The following CADM2 variants were observed in gnomAD, a reference collection of about 807,000 sequenced individuals.
The protein encoded by CADM2 is immunoglobulin superfamily member 4D.
A neutral mutation model predicts 49.8 loss-of-function variants in CADM2; 12 were observed. The ratio of observed to expected loss-of-function variants is 0.24; its 90% confidence interval spans 0.15 to 0.39. The LOEUF is 0.39. Among genes scored for constraint, CADM2 ranks in the 10% least tolerant of loss-of-function variants. The pLI is 1.00. For synonymous variants in CADM2, 214 were observed against 175.4 expected (o/e 1.22, Z -1.74); for missense variants, 378 against 492.3 (o/e 0.77, Z 2.20).
At chr3:85,565,770 TACA>T (rs2062236896) in intron 1 of CADM2, among the ~76,000 whole-genome samples, 1 of 152,082 alleles carries the variant, frequency 6.6e-6, no homozygotes, top group Non-Finnish European at 1.5e-5. Flanking sequence ...GATTATGTAC[TACA>T]AAGTTTTCAG....
intron 1 of CADM2, among the ~76,000 whole-genome samples, chr3:85,073,212 G>A (rs2036822104): frequency 1.3e-5 from 2 of 152,120 alleles, no homozygotes; most frequent in Admixed American, 1.3e-4. Flanking sequence ...TGTTTCTGGA[G>A]ATAGTGCATA....
intron 2 of CADM2, among the ~76,000 whole-genome samples, chr3:85,760,535 T>C (rs950319621): frequency 1.3e-5 from 2 of 152,172 alleles, no homozygotes; most frequent in Non-Finnish European, 2.9e-5. Context: ...AACATAGTTC[T>C]AGTATGGAAC....
intron 8 of CADM2, among the ~76,000 whole-genome samples, chr3:85,987,162 T>C (rs948106385): frequency 6.6e-6 from 1 of 152,056 alleles, no homozygotes; most frequent in African/African-American, 2.4e-5. Flanking sequence ...TTGGAAAATA[T>C]CTGAGAAAAC....
At chr3:85,779,109 T>G (rs1409610690) in intron 2 of CADM2, among the ~76,000 whole-genome samples, 1 of 152,054 alleles carries the variant, frequency 6.6e-6, no homozygotes, top group Non-Finnish European at 1.5e-5. Flanking sequence ...GTATAATACT[T>G]AAGGATAATT....
At chr3:86,066,262 G>A (rs1294601641) in intron 9 of CADM2, among the ~76,000 whole-genome samples, 1 of 145,990 alleles carries the variant, frequency 6.8e-6, no homozygotes, top group Non-Finnish European at 1.5e-5. Flanking sequence ...GAACCCGGGA[G>A]GCGGAGCTTG....
intron 1 of CADM2, among the ~76,000 whole-genome samples, chr3:85,201,287 A>T (rs2041494002): frequency 6.6e-6 from 1 of 152,232 alleles, no homozygotes; most frequent in Admixed American, 6.5e-5. Context: ...CCCACTGCAT[A>T]TAAAAGTTAT....
At chr3:85,146,455 G>A (rs2039744163) in intron 1 of CADM2, among the ~76,000 whole-genome samples, 1 of 151,710 alleles carries the variant, frequency 6.6e-6, no homozygotes, top group Non-Finnish European at 1.5e-5. Context: ...ATTCTTTAAT[G>A]GTATCTTAGA....
intron 3 of CADM2, among the ~76,000 whole-genome samples, chr3:85,864,228 G>A (rs1382551744): frequency 1.3e-5 from 2 of 151,972 alleles, no homozygotes; most frequent in Non-Finnish European, 2.9e-5. Context: ...CCTTCATTTT[G>A]TTAGTATGTC....
intron 2 of CADM2, among the ~76,000 whole-genome samples, chr3:85,771,553 A>G (rs1011707307): frequency 6.6e-6 from 1 of 152,096 alleles, no homozygotes; most frequent in Non-Finnish European, 1.5e-5. Context: ...CTAGACTTAC[A>G]TATTACATGC....
chr3:85,373,975 C>G (rs975039944), intron 1 of CADM2, among the ~76,000 whole-genome samples: 2 of 152,186 alleles, frequency 1.3e-5, no homozygotes, highest in Admixed American at 1.3e-4. Flanking sequence ...AGACCTCTGT[C>G]ATGCCCTGTA....
In CADM2 at chr3:85,721,054, T is replaced by G. The variant is rs558392150; in HGVS notation, c.62-5468T>G. On this transcript the variant is annotated intron_variant, in intron 1 of 9. Coordinates refer to ENST00000383699, the MANE Select transcript of CADM2 (RefSeq NM_001167675.2). Reference sequence around the variant, plus strand: ...CAGAAGTGTGTTTTTTCTCTGTAAATTCACCACTGAAGTGCTTTGTATTCT... The same window carrying G: ...CAGAAGTGTGTTTTTTCTCTGTAAAGTCACCACTGAAGTGCTTTGTATTCT... 3.7e-4 allele frequency among the ~76,000 whole-genome samples: 57 copies of G among 152,320 alleles called. 1 individual carries two copies. The South Asian group carries it at 0.012, about 31-fold the overall frequency.
Position 86,065,638 on chromosome 3 carries a change from A to G in CADM2, c.1004A>G (p.Asp335Gly). ...PNALAGQNGP[D>G]HALIGGIVAV... The stretch of plus-strand genomic sequence containing the variant: ...GCTTTGGCTGGCCAGAATGGCCCTG[A>G]CCATGCTCTCATAGGAGGAATAGTG... Residue 335 changes from aspartate (D) to glycine (G), a missense_variant, in exon 9 of 10, where the codon GAC (aspartate) becomes GGC (glycine). Asp to Gly is a moderately conservative substitution (Grantham distance 94, BLOSUM62 -1). Transcript: ENST00000383699. 1 of 1,613,944 alleles carries G rather than the reference A, an allele frequency of 6.2e-7. No individual in the cohort carries two copies. Among genetic ancestry groups the G allele is most frequent in the Non-Finnish European group, 8.5e-7 (1 of 1,179,886 alleles).
At chr3:85,667,162 A>G (rs2065594818) in intron 1 of CADM2, among the ~76,000 whole-genome samples, 1 of 152,004 alleles carries the variant, frequency 6.6e-6, no homozygotes, top group Non-Finnish European at 1.5e-5. Flanking sequence ...TTCTAAGAGT[A>G]AAAGTCTCAG....
chr3:85,294,951 A>T (rs572695849), intron 1 of CADM2, among the ~76,000 whole-genome samples: 1 of 152,348 alleles, frequency 6.6e-6, no homozygotes, highest in Non-Finnish European at 1.5e-5. Flanking sequence ...GGATCAAATT[A>T]AACTCAAGAG....
intron 1 of CADM2, among the ~76,000 whole-genome samples, chr3:85,053,912 C>A (rs2035978491): frequency 6.6e-6 from 1 of 151,858 alleles, no homozygotes; most frequent in Non-Finnish European, 1.5e-5. Context: ...AATTGAATTT[C>A]TTATTTTAAC....
intron 1 of CADM2, among the ~76,000 whole-genome samples, chr3:85,684,501 G>A (rs1159415085): frequency 1.3e-5 from 2 of 152,122 alleles, no homozygotes; most frequent in African/African-American, 2.4e-5. Context: ...GTGGTTCAAA[G>A]ACATTTGGAC....
At chr3:85,181,192 A>C (rs1305620705) in intron 1 of CADM2, among the ~76,000 whole-genome samples, 2 of 152,166 alleles carry the variant, frequency 1.3e-5, no homozygotes, top group Non-Finnish European at 2.9e-5. Context: ...TAAGCATGGC[A>C]TATGCACATA....
chr3:85,577,527 C>T (rs2062669066), intron 1 of CADM2, among the ~76,000 whole-genome samples: 1 of 152,080 alleles, frequency 6.6e-6, no homozygotes, highest in Non-Finnish European at 1.5e-5. Flanking sequence ...AACTTTAAGA[C>T]ATAAGTTTAT....
chr3:85,315,669 A>AT (rs1351954194), intron 1 of CADM2, among the ~76,000 whole-genome samples: 2 of 152,306 alleles, frequency 1.3e-5, no homozygotes, highest in East Asian at 3.9e-4. Context: ...ATGCAATTCA[A>AT]TTTTTTAAAA....
Sources: allele counts gnomAD v4.1 joint callset (sites outside exome capture counted in the v4.1 genomes callset), GRCh38; gene constraint gnomAD v4.1.1; transcripts MANE v1.5; gene names NCBI Gene and HGNC (gene_info 2026-07-23, HGNC 2026-07-21).